The following TLCD4 variants were observed in gnomAD, a reference collection of about 807,000 sequenced individuals.
TLCD4 encodes TLC domain-containing protein 4.
A neutral mutation model predicts 24.2 loss-of-function variants in TLCD4; 7 were observed. The observed-to-expected ratio is 0.29, with a 90% CI of 0.16 to 0.54. The LOEUF (loss-of-function observed/expected upper bound fraction) is 0.54. Among genes scored for constraint, TLCD4 ranks in the 20% least tolerant of loss-of-function variants. The pLI is 0.95. For synonymous variants in TLCD4, 103 were observed against 106.4 expected, an observed-to-expected ratio of 0.97 and a Z score of 0.20; for missense variants, 259 against 313.9, an observed-to-expected ratio of 0.82 and a Z score of 1.32.
At chr1:95,124,901 A>G (rs1032296689) in intron 1 of TLCD4, among the ~76,000 whole-genome samples, 10 of 152,194 alleles carry the variant, frequency 6.6e-5, no homozygotes, top group African/African-American at 2.4e-4. Flanking sequence ...GGTCCACACA[A>G]CAAGGATGGT....
chr1:95,170,797 G>T (rs891228222), intron 5 of TLCD4, among the ~76,000 whole-genome samples: 1 of 151,884 alleles, frequency 6.6e-6, no homozygotes, highest in Non-Finnish European at 1.5e-5. Flanking sequence ...TTTAACTATA[G>T]AGATAGCAAA....
At position 95,173,731 on chromosome 1, in the gene TLCD4, G is replaced by T; in HGVS notation, c.400-85G>T. 5.8e-6 allele frequency: 9 copies of T among 1,565,086 alleles called. No individual in the cohort carries two copies. The South Asian group carries it at 1.0e-4, about 18-fold the overall frequency. ...TTGGTATTGATTGTTATATTATGCTGAGAAGCTATTGGATATTTCTACGGT... is the reference window on the plus strand; with the variant it reads ...TTGGTATTGATTGTTATATTATGCTTAGAAGCTATTGGATATTTCTACGGT... On this transcript the variant is annotated intron_variant, in intron 5 of 6. Transcript: ENST00000370203.
Position 95,191,741 on chromosome 1 carries a change from G to A in TLCD4, c.665G>A (p.Ser222Asn). 6.2e-7 allele frequency: 1 copy of A among 1,614,182 alleles called. No homozygotes were observed. Among genetic ancestry groups the A allele is most frequent in the Non-Finnish European group, 8.5e-7 (1 of 1,180,018 alleles). ...TTAATCCAGTTATCCTGGGTCATTA[G>A]TTGTGTTGTTTTGGATGTGATGAAT... ...GVLIQLSWVI[S>N]CVVLDVMNVM... is the part of the protein sequence containing the mutation. Residue 222 changes from serine to asparagine, a missense_variant, in exon 7 of 7, where the codon AGT becomes AAT. Coordinates refer to ENST00000370203, the MANE Select transcript of TLCD4 (RefSeq NM_152487.3).
chr1:95,123,624 T>C (rs72722108), intron 1 of TLCD4, among the ~76,000 whole-genome samples: 2,924 of 152,330 alleles, frequency 0.019, 47 homozygotes, highest in East Asian at 0.054. Flanking sequence ...TAAACACACC[T>C]AGTTATCAGT....
chr1:95,162,552 A>G (rs951060032), intron 5 of TLCD4, among the ~76,000 whole-genome samples: 2 of 152,192 alleles, frequency 1.3e-5, no homozygotes, highest in Non-Finnish European at 2.9e-5. Context: ...TTATGATGTT[A>G]GCTGGTTATT....
At chr1:95,148,585 C>T (rs1423138569) in intron 2 of TLCD4, 117 bp from the exon 3 acceptor site, 1 of 1,364,252 alleles carries the variant, frequency 7.3e-7, no homozygotes, top group African/African-American at 1.5e-5. Flanking sequence ...CGTTATACTT[C>T]ACACCTGTAT....
chr1:95,159,687 G>T (rs183518587), intron 5 of TLCD4, among the ~76,000 whole-genome samples: 2 of 152,146 alleles, frequency 1.3e-5, no homozygotes, highest in African/African-American at 4.8e-5. Flanking sequence ...TTTGTTTAAG[G>T]TGTAAGGAAG....
At chr1:95,188,173 G>C (rs897970308) in intron 6 of TLCD4, among the ~76,000 whole-genome samples, 1 of 152,066 alleles carries the variant, frequency 6.6e-6, no homozygotes, top group African/African-American at 2.4e-5. Context: ...GGATCACAAG[G>C]TCAGGAGATC....
At chr1:95,183,574 C>A (rs1678721284) in intron 6 of TLCD4, among the ~76,000 whole-genome samples, 1 of 152,176 alleles carries the variant, frequency 6.6e-6, no homozygotes, top group African/African-American at 2.4e-5. Flanking sequence ...TGTGGTGGCT[C>A]ACGCCTGTAA....
upstream of TLCD4, among the ~76,000 whole-genome samples, chr1:95,115,263 T>C (rs1676408587): frequency 6.6e-6 from 1 of 151,912 alleles, no homozygotes; most frequent in Non-Finnish European, 1.5e-5. Flanking sequence ...AGCACCACCA[T>C]GCCTGGCTAA....
rs371823336 is a variant in TLCD4, at chr1:95,150,905, T to G, written c.305-420T>G. Among the ~76,000 whole-genome samples the G allele has an allele frequency of 3.9e-5, 6 of 152,262 alleles. No individual in the cohort carries two copies. The South Asian group carries it at 6.2e-4, about 16-fold the overall frequency. ...TTAAAATTATTTCTATTCAATAATA[T>G]TTTTTGTTTATTTTAACTCTGGAAA... On this transcript the variant is annotated intron_variant, in intron 4 of 6. Coordinates refer to ENST00000370203, the MANE Select transcript of TLCD4 (RefSeq NM_152487.3).
At position 95,154,438 on chromosome 1, in the gene TLCD4, G is replaced by A. The variant is rs1434729328; in HGVS notation, c.399+3019G>A. Among the ~76,000 whole-genome samples the A allele has an allele frequency of 1.7e-4, 26 of 152,114 alleles. 1 individual carries two copies. The highest frequency in any genetic ancestry group is 1.7e-3 in the Admixed American group (26 of 15,256). Reference sequence around the variant, plus strand: ...AATGCCCTTAGCAGTGTGTCCCTGGGTAAGGATTACCTATAGTAAAGAGAA... The same window carrying A: ...AATGCCCTTAGCAGTGTGTCCCTGGATAAGGATTACCTATAGTAAAGAGAA... On this transcript the variant is annotated intron_variant, in intron 5 of 6. Coordinates refer to ENST00000370203, the MANE Select transcript of TLCD4 (RefSeq NM_152487.3).
At chr1:95,173,208 T>C (rs1048743644) in intron 5 of TLCD4, among the ~76,000 whole-genome samples, 1 of 152,220 alleles carries the variant, frequency 6.6e-6, no homozygotes, top group South Asian at 2.1e-4. Flanking sequence ...TTTTGAGATT[T>C]TTAAGGTGCT....
At chr1:95,123,582 C>T (rs1425327587) in intron 1 of TLCD4, among the ~76,000 whole-genome samples, 1 of 152,220 alleles carries the variant, frequency 6.6e-6, no homozygotes. Context: ...TCTGCTTCCT[C>T]TTCCAGCTCC....
At chr1:95,151,794 A>AT (rs1467276647) in intron 5 of TLCD4, among the ~76,000 whole-genome samples, 2 of 152,174 alleles carry the variant, frequency 1.3e-5, no homozygotes, top group African/African-American at 4.8e-5. Context: ...GTTTAATTCC[A>AT]TGTGCAATTA....
At chr1:95,114,774 C>T (rs1046503577), upstream of TLCD4, among the ~76,000 whole-genome samples, 3 of 151,416 alleles carry the variant, frequency 2.0e-5, no homozygotes, top group Admixed American at 6.6e-5. Context: ...TGCAGTGATC[C>T]GAGATGGCAC....
rs556074954 is a variant in TLCD4, at chr1:95,173,703, G to C, written c.400-113G>C. 8.8e-5 allele frequency: 121 copies of C among 1,376,982 alleles called. No individual in the cohort carries two copies. The African/African-American group carries it at 1.6e-3, about 18-fold the overall frequency. 85.3% of individuals were successfully genotyped at this position (1,376,982 alleles called of 1,614,324 possible). ...TAAAAGGTAGAAAACTTCTTGATCT[G>C]TTTTGGTATTGATTGTTATATTATG... is the stretch of plus-strand genomic sequence containing the variant. On this transcript the variant is annotated intron_variant, in intron 5 of 6. Coordinates refer to ENST00000370203, the MANE Select transcript of TLCD4 (RefSeq NM_152487.3).
intron 6 of TLCD4, 132 bp from the exon 7 acceptor site, chr1:95,191,418 T>C: frequency 8.6e-7 from 1 of 1,159,572 alleles, no homozygotes; most frequent in East Asian, 2.6e-5. Context: ...TTGTTCTTTT[T>C]CAGCATTGCG....
At chr1:95,117,191 T>G (rs1340215170), upstream of TLCD4, 1 of 152,192 alleles carries the variant, frequency 6.6e-6, no homozygotes, top group Non-Finnish European at 1.5e-5. Context: ...TTCCAGGATC[T>G]CTCCGCTGCG....
Sources: gnomAD v4.1 joint callset for allele counts (sites outside exome capture counted in the v4.1 genomes callset) on GRCh38, gnomAD v4.1.1 for gene constraint, MANE v1.5 for transcripts, NCBI Gene and HGNC (gene_info 2026-07-23, HGNC 2026-07-21) for gene names.